HIPK2: variants seen among roughly 807,000 people sequenced by gnomAD.
HIPK2 encodes the protein homeodomain-interacting protein kinase 2.
In HIPK2, 27 loss-of-function variants were observed where a neutral mutation model predicts 113.7. The ratio of observed to expected loss-of-function variants is 0.24; its 90% CI spans 0.17 to 0.33. The LOEUF (loss-of-function observed/expected upper bound fraction) is 0.33, where lower values mean the gene tolerates loss of function less well. Ranked by LOEUF, HIPK2 falls within the 10% of genes least tolerant of loss-of-function variation. HIPK2 has a pLI of 1.00. For missense variants in HIPK2, 1,257 were observed against 1,588.0 expected (o/e 0.79, Z 3.54); for synonymous variants, 631 against 642.2 (o/e 0.98, Z 0.26).
chr7:139,668,883 G>A (rs1456841222), intron 2 of HIPK2, among the ~76,000 whole-genome samples: 1 of 152,194 alleles, frequency 6.6e-6, no homozygotes, highest in East Asian at 1.9e-4. Context: ...GACTGTTTTA[G>A]AAATGCAATT....
chr7:139,754,137 G>A (rs1035905905), intron 1 of HIPK2, among the ~76,000 whole-genome samples: 1 of 152,206 alleles, frequency 6.6e-6, no homozygotes, highest in Admixed American at 6.5e-5. Flanking sequence ...ACACCCTTTG[G>A]AAGTGGGGAG....
At chr7:139,698,274 C>T (rs2116830907) in intron 2 of HIPK2, among the ~76,000 whole-genome samples, 1 of 152,268 alleles carries the variant, frequency 6.6e-6, no homozygotes, top group African/African-American at 2.4e-5. Flanking sequence ...CATGTTGTAG[C>T]ATTTATCAGT....
intron 2 of HIPK2, among the ~76,000 whole-genome samples, chr7:139,677,785 G>A (rs1365813374): frequency 6.6e-6 from 1 of 152,134 alleles, no homozygotes; most frequent in Non-Finnish European, 1.5e-5. Context: ...GATCCTTGAG[G>A]AATCACCACA....
At chr7:139,673,968 G>A (rs1224455420) in intron 2 of HIPK2, among the ~76,000 whole-genome samples, 20 of 151,094 alleles carry the variant, frequency 1.3e-4, no homozygotes, top group Admixed American at 3.3e-4. Flanking sequence ...CAACTCGGGA[G>A]GCTGAGGCAG....
At chr7:139,583,668 A>G in intron 13 of HIPK2, 149 bp downstream of exon 13, 2 of 1,174,234 alleles carry the variant, frequency 1.7e-6, no homozygotes, top group Non-Finnish European at 2.4e-6. Context: ...TCCCCTGGAT[A>G]CTTGAATAAA....
intron 9 of HIPK2, among the ~76,000 whole-genome samples, chr7:139,611,715 A>T (rs10279068): frequency 0.11 from 15,903 of 150,432 alleles, 912 homozygotes; most frequent in Middle Eastern, 0.14. Context: ...CTAATTTTTA[A>T]TTTTTTTTTG....
intron 2 of HIPK2, among the ~76,000 whole-genome samples, chr7:139,656,500 C>G (rs113990137): frequency 6.6e-6 from 1 of 152,200 alleles, no homozygotes; most frequent in African/African-American, 2.4e-5. Context: ...GGCCTGGGCC[C>G]GATAACTGAA....
intron 7 of HIPK2, among the ~76,000 whole-genome samples, chr7:139,615,531 T>C (rs930722654): frequency 2.6e-5 from 4 of 152,208 alleles, no homozygotes; most frequent in Non-Finnish European, 5.9e-5. Flanking sequence ...AATTCCAACT[T>C]TGGAATTCTC....
At chr7:139,664,650 G>C (rs888205799) in intron 2 of HIPK2, among the ~76,000 whole-genome samples, 4 of 152,148 alleles carry the variant, frequency 2.6e-5, no homozygotes, top group Non-Finnish European at 5.9e-5. Context: ...GACAACGAGG[G>C]CCACCTCCGC....
rs1374157230 is a variant in HIPK2, at chr7:139,569,774, G to A, written c.*3153C>T. Reference sequence around the variant, plus strand: ...TTTGCCTGACAAAACTGGACATCTGGATGTCCCTCCAGTCTACTTATATAC... The same window carrying A: ...TTTGCCTGACAAAACTGGACATCTGAATGTCCCTCCAGTCTACTTATATAC... On this transcript the variant is annotated 3_prime_UTR_variant, in exon 15 of 15. Coordinates refer to ENST00000406875, the MANE Select transcript of HIPK2 (RefSeq NM_022740.5). 2 of 151,716 alleles carry A rather than the reference G, an allele frequency of 1.3e-5. No homozygotes were observed. The highest frequency in any genetic ancestry group is 4.8e-5 in the African/African-American group (2 of 41,254). 9.4% of individuals were successfully genotyped at this position (151,716 alleles called of 1,614,324 possible).
intron 11 of HIPK2, among the ~76,000 whole-genome samples, chr7:139,598,400 T>C (rs1799297435): frequency 6.6e-6 from 1 of 152,238 alleles, no homozygotes; most frequent in Admixed American, 6.5e-5. Context: ...ACTGATATGA[T>C]TGTACCATTG....
At position 139,777,720 on chromosome 7, in the gene HIPK2, CTG is replaced by C; in HGVS notation, c.-99_-98del. 1 of 1,012,458 alleles carries C rather than the reference CTG, an allele frequency of 9.9e-7. No homozygotes were observed. The highest frequency in any genetic ancestry group is 1.2e-6 in the Non-Finnish European group (1 of 845,124). 62.7% of individuals were successfully genotyped at this position (1,012,458 alleles called of 1,614,324 possible). ...TCAGTCGGAATCTGCCATCTTGAGC[CTG>C]TGTCTCCGCTCTCGGCGCAGCCGAG... On this transcript the variant is annotated 5_prime_UTR_variant, in exon 1 of 15. It removes the in-frame stop codon of an upstream open reading frame in the 5' UTR. Coordinates refer to ENST00000406875, the MANE Select transcript of HIPK2 (RefSeq NM_022740.5).
intron 2 of HIPK2, among the ~76,000 whole-genome samples, chr7:139,632,527 TACAGAGTCTGGTATCA>T (rs1236890802): frequency 6.6e-6 from 1 of 152,236 alleles, no homozygotes; most frequent in Non-Finnish European, 1.5e-5. Flanking sequence ...CATTCATGAA[TACAGAGTCTGGTATCA>T]ACCAGGATTC....
intron 5 of HIPK2, among the ~76,000 whole-genome samples, chr7:139,627,298 C>CCATG (rs1554432081): frequency 6.7e-6 from 1 of 148,446 alleles, no homozygotes; most frequent in African/African-American, 2.5e-5. Flanking sequence ...ACAAAAAAGT[C>CCATG]TATGTATGTA....
intron 2 of HIPK2, 137 bp downstream of exon 2, chr7:139,715,795 C>G: frequency 8.1e-7 from 1 of 1,237,496 alleles, no homozygotes; most frequent in African/African-American, 1.5e-5. Flanking sequence ...GTCCTAATTT[C>G]GTAAGTACAT....
At chr7:139,670,747 CTTTCTTTCTTTCTTTTTTT>C (rs1184179057) in intron 2 of HIPK2, among the ~76,000 whole-genome samples, 5 of 74,800 alleles carry the variant, frequency 6.7e-5, no homozygotes, top group African/African-American at 2.8e-4. Context: ...TTCTTTCTTT[CTTTCTTTCTTTCTTTTTTT>C]TTTTTTTTTT....
At chr7:139,602,197 C>T (rs1799454057) in intron 10 of HIPK2, among the ~76,000 whole-genome samples, 1 of 152,142 alleles carries the variant, frequency 6.6e-6, no homozygotes, top group Admixed American at 6.5e-5. Context: ...AGGTGATCTG[C>T]CTGCCTTGGC....
chr7:139,732,326 G>C (rs957518386), intron 1 of HIPK2, among the ~76,000 whole-genome samples: 1 of 152,150 alleles, frequency 6.6e-6, no homozygotes, highest in Non-Finnish European at 1.5e-5. Context: ...TTTCTACTGT[G>C]AGTCACTGTC....
chr7:139,594,584 C>G (rs1000757414), intron 12 of HIPK2, among the ~76,000 whole-genome samples: 27 of 152,180 alleles, frequency 1.8e-4, no homozygotes, highest in Admixed American at 6.5e-5. Context: ...ACTTTCCTAC[C>G]TTCTTGAGTG....
Sources: allele counts gnomAD v4.1 joint callset (sites outside exome capture counted in the v4.1 genomes callset), GRCh38; gene constraint gnomAD v4.1.1; transcripts MANE v1.5; gene names NCBI Gene and HGNC (gene_info 2026-07-23, HGNC 2026-07-21).